The following PCDH11Y variants were observed in gnomAD, a reference collection of about 807,000 sequenced individuals.
PCDH11Y encodes protocadherin 11 Y-linked.
For synonymous variants in PCDH11Y, 9 were observed against 83.6 expected, an observed-to-expected ratio of 0.11 and a Z score of 4.87; for missense variants, 12 against 224.8, an observed-to-expected ratio of 0.05 and a Z score of 6.05.
intron 4 of PCDH11Y, among the ~76,000 whole-genome samples, chrY:5,597,941 A>C: frequency 3.1e-5 from 1 of 32,269 alleles, no homozygotes; most frequent in Non-Finnish European, 7.6e-5. Context: ...TTCATGTAAA[A>C]AATTTTTTTT....
At chrY:5,553,004 C>T in intron 3 of PCDH11Y, among the ~76,000 whole-genome samples, 1 of 32,837 alleles carries the variant, frequency 3.0e-5, no homozygotes. Flanking sequence ...TTTTTAAAAA[C>T]AATAAACCAC....
At chrY:5,265,118 A>G in intron 2 of PCDH11Y, among the ~76,000 whole-genome samples, 1 of 33,465 alleles carries the variant, frequency 3.0e-5, no homozygotes, top group African/African-American at 1.2e-4. Flanking sequence ...TGCCAGCGAT[A>G]TGGGAGGGGT....
chrY:5,560,569 T>G, intron 3 of PCDH11Y, among the ~76,000 whole-genome samples: 1 of 32,540 alleles, frequency 3.1e-5, no homozygotes, highest in South Asian at 6.9e-4. Flanking sequence ...TCCCAGCCAC[T>G]CCAGCCACAA....
chrY:5,334,882 T>C, intron 2 of PCDH11Y, among the ~76,000 whole-genome samples: 4 of 29,748 alleles, frequency 1.3e-4, no homozygotes, highest in Non-Finnish European at 3.2e-4. Context: ...TGAATTTCAG[T>C]AGACACTGTC....
intron 2 of PCDH11Y, among the ~76,000 whole-genome samples, chrY:5,460,333 G>A (rs2053302071): frequency 3.1e-5 from 1 of 32,699 alleles, no homozygotes; most frequent in Admixed American, 2.8e-4. Context: ...TTTTGTTGTG[G>A]AAGAAAGAGG....
intron 1 of PCDH11Y, among the ~76,000 whole-genome samples, chrY:5,094,955 G>A: frequency 3.1e-5 from 1 of 32,356 alleles, no homozygotes; most frequent in Non-Finnish European, 7.6e-5. Context: ...AAAAGACAGT[G>A]AGTATGCTGA....
chrY:5,384,030 T>G, intron 2 of PCDH11Y, among the ~76,000 whole-genome samples: 2 of 33,905 alleles, frequency 5.9e-5, no homozygotes, highest in South Asian at 1.3e-3. Context: ...CAAAAATATC[T>G]TAATATCTCA....
intron 2 of PCDH11Y, among the ~76,000 whole-genome samples, chrY:5,323,518 T>C: frequency 9.0e-5 from 3 of 33,421 alleles, no homozygotes; most frequent in Non-Finnish European, 2.2e-4. Flanking sequence ...TTTTAATTAA[T>C]CATTGTAAAT....
chrY:5,543,900 A>G, intron 3 of PCDH11Y, among the ~76,000 whole-genome samples: 1 of 33,511 alleles, frequency 3.0e-5, no homozygotes, highest in Admixed American at 2.7e-4. Context: ...GTTATGAGGC[A>G]GTAAGGTGAT....
At chrY:5,360,640 G>C in intron 2 of PCDH11Y, among the ~76,000 whole-genome samples, 1 of 32,929 alleles carries the variant, frequency 3.0e-5, no homozygotes, top group Non-Finnish European at 7.4e-5. Context: ...CACATGGCAA[G>C]AAAGTCTTAT....
chrY:5,219,781 C>T (rs2052950607), intron 2 of PCDH11Y, among the ~76,000 whole-genome samples: 2 of 32,495 alleles, frequency 6.2e-5, no homozygotes, highest in Non-Finnish European at 1.5e-4. Flanking sequence ...TTTGGTGTCA[C>T]GTTAAAAAAG....
intron 1 of PCDH11Y, among the ~76,000 whole-genome samples, chrY:5,003,380 C>T: frequency 3.0e-5 from 1 of 33,376 alleles, no homozygotes; most frequent in Admixed American, 2.7e-4. Flanking sequence ...TCTCTCCCCT[C>T]GGGTGATAAA....
chrY:5,692,116 G>T (rs2053568402), intron 4 of PCDH11Y, among the ~76,000 whole-genome samples: 1 of 33,027 alleles, frequency 3.0e-5, no homozygotes, highest in Non-Finnish European at 7.4e-5. Flanking sequence ...GGAATTTAGA[G>T]AATTAATTCA....
At chrY:5,536,142 G>A in intron 3 of PCDH11Y, among the ~76,000 whole-genome samples, 2 of 31,564 alleles carry the variant, frequency 6.3e-5, no homozygotes, top group African/African-American at 2.5e-4. Flanking sequence ...TAGCCAGGAT[G>A]GTCTTGATCT....
chrY:5,353,923 G>A (rs2053162531), intron 2 of PCDH11Y, among the ~76,000 whole-genome samples: 1 of 33,071 alleles, frequency 3.0e-5, no homozygotes, highest in Admixed American at 2.8e-4. Context: ...GCGTGAACCC[G>A]GGAGGCAGAG....
At chrY:5,105,779 T>C (rs2052791462), downstream of PCDH11Y, among the ~76,000 whole-genome samples, 1 of 33,140 alleles carries the variant, frequency 3.0e-5, no homozygotes. Context: ...TTATACTCCC[T>C]GATATTTTGA....
At chrY:5,383,039 C>T (rs2053206715) in intron 2 of PCDH11Y, among the ~76,000 whole-genome samples, 1 of 31,564 alleles carries the variant, frequency 3.2e-5, no homozygotes, top group Non-Finnish European at 7.6e-5. Context: ...CTGTCTCTAC[C>T]GAAATTACAA....
chrY:5,677,263 A>C (rs2053554378), intron 4 of PCDH11Y, among the ~76,000 whole-genome samples: 43 of 33,318 alleles, frequency 1.3e-3, no homozygotes. Context: ...AACCACCCTT[A>C]TGATTCAATT....
chrY:5,003,097 CT>C, intron 1 of PCDH11Y, among the ~76,000 whole-genome samples: 1 of 34,478 alleles, frequency 2.9e-5, no homozygotes, highest in East Asian at 8.2e-4. Flanking sequence ...AGCCCCCCCC[CT>C]TCCAGTCCCT....
Sources: gnomAD v4.1 joint callset for allele counts (sites outside exome capture counted in the v4.1 genomes callset) on GRCh38, gnomAD v4.1.1 for gene constraint, MANE v1.5 for transcripts, NCBI Gene and HGNC (gene_info 2026-07-23, HGNC 2026-07-21) for gene names.